RPTOR: variants seen among roughly 807,000 people sequenced by gnomAD.
RPTOR encodes regulatory associated protein of MTOR complex 1, also known as regulatory-associated protein of mTOR.
Under a neutral mutation model 169.9 loss-of-function variants are expected in RPTOR, and 21 were observed. The ratio of observed to expected loss-of-function variants is 0.12; its 90% CI spans 0.09 to 0.18. The LOEUF (loss-of-function observed/expected upper bound fraction) is 0.18. RPTOR is among the 10% of genes least tolerant of loss of function. The pLI is 1.00. For synonymous variants in RPTOR, 732 were observed against 753.2 expected (o/e 0.97, Z 0.46); for missense variants, 1,133 against 1,855.9 (o/e 0.61, Z 7.16).
At chr17:80,961,021 C>T (rs1005761691) in intron 30 of RPTOR, 3 of 284,528 alleles carry the variant, frequency 1.1e-5, no homozygotes, top group South Asian at 7.6e-5. Context: ...CTGCACAGAT[C>T]GGGGAGACAC....
chr17:80,615,505 A>G (rs1005901908), intron 1 of RPTOR, among the ~76,000 whole-genome samples: 3 of 152,322 alleles, frequency 2.0e-5, no homozygotes, highest in African/African-American at 7.2e-5. Context: ...ATGGGGAACT[A>G]CAGATGGCAG....
chr17:80,755,013 G>A (rs12944470), intron 6 of RPTOR, among the ~76,000 whole-genome samples: 26,973 of 152,110 alleles, frequency 0.18, 2,838 homozygotes, highest in East Asian at 0.24. Context: ...AGCCCTGGGC[G>A]GACACGGGGA....
chr17:80,870,897 G>A (rs915171240), intron 13 of RPTOR, among the ~76,000 whole-genome samples: 2 of 152,316 alleles, frequency 1.3e-5, no homozygotes, highest in Middle Eastern at 3.4e-3. Flanking sequence ...ATGTTGATCA[G>A]TTATTAACTG....
chr17:80,680,364 G>A (rs531163157), intron 3 of RPTOR, among the ~76,000 whole-genome samples: 17 of 152,306 alleles, frequency 1.1e-4, no homozygotes, highest in South Asian at 4.1e-4. Context: ...AGCAGGGCAC[G>A]GTGGCTCAAG....
intron 9 of RPTOR, among the ~76,000 whole-genome samples, chr17:80,827,926 G>A (rs1052251770): frequency 6.6e-6 from 1 of 152,254 alleles, no homozygotes; most frequent in African/African-American, 2.4e-5. Context: ...AAACTGGGGT[G>A]TGTGAGGACC....
In RPTOR at chr17:80,925,350, C is replaced by G; in HGVS notation, c.2809-20C>G. 1 of 1,606,956 alleles carries G rather than the reference C, an allele frequency of 6.2e-7. No homozygotes were observed. The highest frequency in any genetic ancestry group is 8.5e-7 in the Non-Finnish European group (1 of 1,174,434). The stretch of plus-strand genomic sequence containing the variant: ...CTGGTGTTTCTTTTTCCTTCCAACC[C>G]TCCTGCTTAAACCCTGAAGACTGCG... On this transcript the variant is annotated intron_variant, in intron 23 of 33. Coordinates refer to ENST00000306801, the MANE Select transcript of RPTOR (RefSeq NM_020761.3).
intron 13 of RPTOR, among the ~76,000 whole-genome samples, chr17:80,867,586 CTG>C (rs1352829408): frequency 6.6e-6 from 1 of 152,170 alleles, no homozygotes; most frequent in Non-Finnish European, 1.5e-5. Context: ...AGAGGTTTAA[CTG>C]TATTTTCAGA....
intron 7 of RPTOR, among the ~76,000 whole-genome samples, chr17:80,792,679 T>C (rs1020825604): frequency 2.0e-5 from 3 of 151,912 alleles, no homozygotes; most frequent in Non-Finnish European, 2.9e-5. Flanking sequence ...ACGTGGAAAA[T>C]AACTTTAAAA....
At chr17:80,838,529 G>A (rs534882174) in intron 10 of RPTOR, among the ~76,000 whole-genome samples, 9 of 152,362 alleles carry the variant, frequency 5.9e-5, no homozygotes, top group Admixed American at 3.9e-4. Flanking sequence ...GGACCCCCTC[G>A]TGGTTTCTTA....
intron 24 of RPTOR, among the ~76,000 whole-genome samples, chr17:80,932,574 C>T (rs2068910990): frequency 6.6e-6 from 1 of 152,094 alleles, no homozygotes; most frequent in South Asian, 2.1e-4. Flanking sequence ...AAGAAAGAGT[C>T]AAGTGAATGC....
In RPTOR at chr17:80,860,200, C is replaced by G. The variant is rs2067902426; in HGVS notation, c.1509+2300C>G. ...ACTGGCACTGAGACCCAGCCTCATC[C>G]TTAGCCCTGTCAGCCATGTCGCACT... is the stretch of plus-strand genomic sequence containing the variant. On this transcript the variant is annotated intron_variant, in intron 13 of 33. Transcript: ENST00000306801. The surrounding 1 kb of genome is among the most constrained non-coding windows in gnomAD (Gnocchi z 5.8). Among the ~76,000 whole-genome samples the G allele has an allele frequency of 6.6e-6, 1 of 152,236 alleles. No homozygotes were observed. The highest frequency in any genetic ancestry group is 2.4e-5 in the African/African-American group (1 of 41,458).
intron 3 of RPTOR, among the ~76,000 whole-genome samples, chr17:80,672,168 G>A (rs1447420737): frequency 1.3e-5 from 2 of 152,154 alleles, no homozygotes; most frequent in Non-Finnish European, 2.9e-5. Flanking sequence ...GTCAGGTTAA[G>A]ATCTCTTTAT....
chr17:80,803,808 A>G lies in RPTOR; in HGVS notation c.890+12299A>G, dbSNP rs1374894686. ...CAGGAGAGCCATGTGATCGCACACAAGAGTGCCTGGATGCTTCTTTGATTG... is the reference window on the plus strand; with the variant it reads ...CAGGAGAGCCATGTGATCGCACACAGGAGTGCCTGGATGCTTCTTTGATTG... On this transcript the variant is annotated intron_variant, in intron 7 of 33. Coordinates refer to ENST00000306801, the MANE Select transcript of RPTOR (RefSeq NM_020761.3). The surrounding 1 kb of genome is among the most constrained non-coding windows in gnomAD (Gnocchi z 6.2). 2 of 152,388 alleles carry G rather than the reference A, an allele frequency of 1.3e-5. No individual in the cohort carries two copies. The highest frequency in any genetic ancestry group is 1.9e-4 in the East Asian group (1 of 5,184). 9.4% of individuals were successfully genotyped at this position (152,388 alleles called of 1,614,324 possible).
At chr17:80,655,363 G>A (rs528836903) in intron 3 of RPTOR, among the ~76,000 whole-genome samples, 1 of 152,186 alleles carries the variant, frequency 6.6e-6, no homozygotes, top group South Asian at 2.1e-4. Flanking sequence ...TGGGATTATA[G>A]GTATGAGCCA....
intron 3 of RPTOR, among the ~76,000 whole-genome samples, chr17:80,668,636 A>G (rs2065798948): frequency 6.6e-6 from 1 of 152,220 alleles, no homozygotes; most frequent in African/African-American, 2.4e-5. Context: ...ATGCTTTTAC[A>G]AGTGAAAACC....
intron 1 of RPTOR, among the ~76,000 whole-genome samples, chr17:80,614,207 G>C (rs2065292423): frequency 6.6e-6 from 1 of 152,152 alleles, no homozygotes; most frequent in Non-Finnish European, 1.5e-5. Flanking sequence ...TGCGGTTGGG[G>C]GTCCCAGAGG....
rs1220270287 is a variant in RPTOR at position 80,878,995 on chromosome 17, C to G, written c.1510-1420C>G. The stretch of plus-strand genomic sequence containing the variant: ...CCCAGGCCCCGTCCCCCGCCTTGCC[C>G]TCTGAAAGTGGTCTTCAGCACCACC... On this transcript the variant is annotated intron_variant, in intron 13 of 33. Transcript: ENST00000306801. This position sits in a 1 kb window ranked among gnomAD's most constrained non-coding sequence, Gnocchi z 4.1. Among the ~76,000 whole-genome samples, 3 of 151,888 alleles carry G rather than the reference C, an allele frequency of 2.0e-5. No homozygotes were observed. The highest frequency in any genetic ancestry group is 1.9e-4 in the East Asian group (1 of 5,134).
chr17:80,920,522 G>A lies in RPTOR; in HGVS notation c.2521-2202G>A, dbSNP rs180827520. Among the ~76,000 whole-genome samples, 580 of 152,292 alleles carry A rather than the reference G, an allele frequency of 3.8e-3. 3 individuals are homozygous for A. Among genetic ancestry groups the A allele is most frequent in the African/African-American group, 9.4e-3 (390 of 41,546 alleles). ...GCTGCGAGAATTCATGCCGAGGCCC[G>A]GATCAGTTCCCTGCCTGGAAGAGTG... On this transcript the variant is annotated intron_variant, in intron 21 of 33. Transcript: ENST00000306801.
intron 1 of RPTOR, among the ~76,000 whole-genome samples, chr17:80,600,252 G>A (rs955710885): frequency 6.6e-6 from 1 of 152,022 alleles, no homozygotes; most frequent in African/African-American, 2.4e-5. Flanking sequence ...TCTAATGGAG[G>A]AGATTATGAG....
Sources: gnomAD v4.1 joint callset for allele counts (sites outside exome capture counted in the v4.1 genomes callset) on GRCh38, gnomAD v4.1.1 for gene constraint, Gnocchi (gnomAD v3.1) non-coding constraint, MANE v1.5 for transcripts, NCBI Gene and HGNC (gene_info 2026-07-23, HGNC 2026-07-21) for gene names.